The following EMC6 variants were observed in gnomAD, a reference collection of about 807,000 sequenced individuals.
EMC6 encodes ER membrane protein complex subunit 6.
EMC6 carries 1 observed loss-of-function variant against 6.5 expected under a neutral mutation model. The ratio of observed to expected loss-of-function variants is 0.15; its 90% CI spans 0.05 to 0.73. The LOEUF is 0.73. Among genes scored for constraint, EMC6 ranks in the 30% least tolerant of loss-of-function variants. The probability of loss-of-function intolerance (pLI) is 0.78; values close to 1 mark genes in which losing one functional copy is unlikely to be tolerated. For synonymous variants in EMC6, 96 were observed against 74.3 expected (o/e 1.29, Z -1.50); for missense variants, 114 against 146.7 (o/e 0.78, Z 1.15).
Position 3,669,485 on chromosome 17 carries a change from G to T in EMC6, c.*6G>T. On this transcript the variant is annotated 3_prime_UTR_variant, in exon 2 of 2. Coordinates refer to ENST00000248378, the MANE Select transcript of EMC6 (RefSeq NM_031298.4). ...GCATGGTGCACGTCTACTGAAATGG[G>T]GGCCCGGGGGACTTTTTTAAAAAAC... is the stretch of plus-strand genomic sequence containing the variant. 1 of 1,570,936 alleles carries T rather than the reference G, an allele frequency of 6.4e-7. No homozygotes were observed.
chr17:3,669,527 T>C lies in EMC6; in HGVS notation c.*48T>C. 1 of 1,482,786 alleles carries C rather than the reference T, an allele frequency of 6.7e-7. No individual in the cohort carries two copies. The highest frequency in any genetic ancestry group is 1.3e-5 in the South Asian group (1 of 76,726). 91.9% of individuals were successfully genotyped at this position (1,482,786 alleles called of 1,614,324 possible). On this transcript the variant is annotated 3_prime_UTR_variant, in exon 2 of 2. Coordinates refer to ENST00000248378, the MANE Select transcript of EMC6 (RefSeq NM_031298.4). ...TTAAAAAACCAGATCGGGAGGACTG[T>C]GGCCAGCAATTAACACCATGTAGAC...
chr17:3,669,017 C>G, intron 1 of EMC6, 81 bp from the exon 2 acceptor site: 2 of 870,258 alleles, frequency 2.3e-6, no homozygotes, highest in East Asian at 5.4e-5. Context: ...TGCCAGGTCT[C>G]GGAAGCTCCA....
At position 3,668,849 on chromosome 17, in the gene EMC6, C is replaced by T. The variant is rs963734048; in HGVS notation, c.-100C>T. 8 of 513,252 alleles carry T rather than the reference C, an allele frequency of 1.6e-5. No homozygotes were observed. In the East Asian group the frequency reaches 2.6e-4, roughly 17 times the overall value. 31.8% of individuals were successfully genotyped at this position (513,252 alleles called of 1,614,324 possible). On this transcript the variant is annotated 5_prime_UTR_variant, in exon 1 of 2. Coordinates refer to ENST00000248378, the MANE Select transcript of EMC6 (RefSeq NM_031298.4). This position sits in a 1 kb window ranked among gnomAD's most constrained non-coding sequence, Gnocchi z 4.1. Reference sequence around the variant, plus strand: ...AAGATGGCGCCGCGGGCATTTCTTCCACTGCCCGTCTGAGGGAACGCTAAG... The same window carrying T: ...AAGATGGCGCCGCGGGCATTTCTTCTACTGCCCGTCTGAGGGAACGCTAAG...
At chr17:3,669,007 T>C (rs1229858714) in intron 1 of EMC6, 91 bp from the exon 2 acceptor site, 2 of 782,398 alleles carry the variant, frequency 2.6e-6, no homozygotes, top group East Asian at 5.5e-5. Flanking sequence ...CCAGGACTGG[T>C]GCCAGGTCTC....
Position 3,669,640 on chromosome 17 carries a change from C to T in EMC6, c.*161C>T, listed in dbSNP as rs2049982864. 3 of 620,598 alleles carry T rather than the reference C, an allele frequency of 4.8e-6. No homozygotes were observed. Among genetic ancestry groups the T allele is most frequent in the Non-Finnish European group, 8.2e-6 (3 of 367,422 alleles). The allele number at this position is 620,598 out of a possible 1,614,324, so 38.4% of individuals were successfully genotyped here. On this transcript the variant is annotated 3_prime_UTR_variant, in exon 2 of 2. Transcript: ENST00000248378. ...CTGAAGACGGAGAGCCTGTAATATT[C>T]TTCAGATTAAATGAAGCGTGAGACA...
In EMC6 at chr17:3,669,621, A is replaced by G; in HGVS notation, c.*142A>G. On this transcript the variant is annotated 3_prime_UTR_variant, in exon 2 of 2. Coordinates refer to ENST00000248378, the MANE Select transcript of EMC6 (RefSeq NM_031298.4). The stretch of plus-strand genomic sequence containing the variant: ...CGTTATAAATAATTTATATCTGAAG[A>G]CGGAGAGCCTGTAATATTCTTCAGA... The G allele has an allele frequency of 3.1e-6, 2 of 651,374 alleles. 1 individual carries two copies. Among genetic ancestry groups the G allele is most frequent in the South Asian group, 5.1e-5 (2 of 39,276 alleles). 40.3% of individuals were successfully genotyped at this position (651,374 alleles called of 1,614,324 possible).
chr17:3,669,458 C>A lies in EMC6; in HGVS notation c.312C>A (p.Tyr104Ter). The change falls in exon 2 of 2, where the codon TAC becomes TAA. Residue 104 changes from tyrosine to a stop codon, truncating the protein, a stop_gained. Transcript: ENST00000248378. LOFTEE classifies it high-confidence loss of function. ...FTYVLFWTFL[Y>*]GMVHVY ...ACGTCCTGTTCTGGACGTTCCTCTA[C>A]GGCATGGTGCACGTCTACTGAAATG... The A allele has an allele frequency of 6.2e-7, 1 of 1,610,272 alleles. No individual in the cohort carries two copies. Among genetic ancestry groups the A allele is most frequent in the Non-Finnish European group, 8.5e-7 (1 of 1,177,540 alleles).
chr17:3,669,152 C>T lies in EMC6; in HGVS notation c.6C>T (p.Ala2=), dbSNP rs765228731. M[A]AVVAKREGPP... ...GCCGAGCCCGGGCTGGTGCGATGGC[C>T]GCGGTGGTGGCCAAGCGGGAAGGGC... is the stretch of plus-strand genomic sequence containing the variant. The change falls in exon 2 of 2, where the codon GCC becomes GCT. Residue 2 remains alanine (A), a synonymous_variant. Coordinates refer to ENST00000248378, the MANE Select transcript of EMC6 (RefSeq NM_031298.4). 2.0e-6 allele frequency: 3 copies of T among 1,523,894 alleles called. No homozygotes were observed. The highest frequency in any genetic ancestry group is 4.0e-5 in the Admixed American group (2 of 49,920). 94.4% of individuals were successfully genotyped at this position (1,523,894 alleles called of 1,614,324 possible). A position where few individuals can be genotyped will look rare whatever the true frequency, so the allele number is the denominator to read the frequency against.
Position 3,669,198 on chromosome 17 carries a change from G to T in EMC6, c.52G>T (p.Ala18Ser). The change falls in exon 2 of 2, where the codon GCC (alanine) becomes TCC (serine). Residue 18 changes from alanine (A) to serine (S), a missense_variant. Transcript: ENST00000248378. Reference protein sequence around the residue: ...REGPPFISEAAVRGNAAVLDY... With the variant: ...REGPPFISEASVRGNAAVLDY... ...AGGGCCGCCGTTCATCAGCGAGGCG[G>T]CCGTGCGGGGCAACGCCGCCGTCCT... The T allele has an allele frequency of 6.3e-7, 1 of 1,587,514 alleles. No homozygotes were observed. Among genetic ancestry groups the T allele is most frequent in the Non-Finnish European group, 8.6e-7 (1 of 1,166,340 alleles).
chr17:3,669,037 G>C, intron 1 of EMC6, 61 bp from the exon 2 acceptor site: 1 of 1,028,706 alleles, frequency 9.7e-7, no homozygotes, highest in African/African-American at 1.6e-5. Context: ...AGGGGGAGGG[G>C]GCGGCGTGAA....
intron 1 of EMC6, 71 bp from the exon 2 acceptor site, chr17:3,669,027 A>T: frequency 1.1e-6 from 1 of 946,016 alleles, no homozygotes; most frequent in Non-Finnish European, 1.5e-6. Flanking sequence ...CGGAAGCTCC[A>T]GGGGGAGGGG....
rs1258441227 is a variant in EMC6, at chr17:3,669,590, C to G, written c.*111C>G. Reference sequence around the variant, plus strand: ...TAAGTGGTTGAATTCGCTGCTTGTTCTGTAACGTTATAAATAATTTATATC... The same window carrying G: ...TAAGTGGTTGAATTCGCTGCTTGTTGTGTAACGTTATAAATAATTTATATC... On this transcript the variant is annotated 3_prime_UTR_variant, in exon 2 of 2. Coordinates refer to ENST00000248378, the MANE Select transcript of EMC6 (RefSeq NM_031298.4). 1.3e-6 allele frequency: 1 copy of G among 794,860 alleles called. No individual in the cohort carries two copies. The highest frequency in any genetic ancestry group is 2.0e-6 in the Non-Finnish European group (1 of 509,616). The allele number at this position is 794,860 out of a possible 1,614,324, so 49.2% of individuals were successfully genotyped here.
rs1446693341 is a variant in EMC6 at position 3,668,815 on chromosome 17, C to T, written c.-134C>T. The T allele has an allele frequency of 3.9e-6, 2 of 513,756 alleles. No individual in the cohort carries two copies. Among genetic ancestry groups the T allele is most frequent in the Non-Finnish European group, 6.8e-6 (2 of 293,786 alleles). The allele number at this position is 513,756 out of a possible 1,614,324, so 31.8% of individuals were successfully genotyped here. A position where few individuals can be genotyped will look rare whatever the true frequency, so the allele number is the denominator to read the frequency against. Reference sequence around the variant, plus strand: ...GCGCAGCCCGAGACCTCCCGGCAGTCTTCCGAGCAAGATGGCGCCGCGGGC... The same window carrying T: ...GCGCAGCCCGAGACCTCCCGGCAGTTTTCCGAGCAAGATGGCGCCGCGGGC... On this transcript the variant is annotated 5_prime_UTR_variant, in exon 1 of 2. Transcript: ENST00000248378. This position sits in a 1 kb window ranked among gnomAD's most constrained non-coding sequence, Gnocchi z 4.1.
At chr17:3,669,033 A>C in intron 1 of EMC6, 65 bp from the exon 2 acceptor site, 3 of 956,546 alleles carry the variant, frequency 3.1e-6, no homozygotes, top group Non-Finnish European at 4.5e-6. Context: ...CTCCAGGGGG[A>C]GGGGGCGGCG....
At position 3,669,139 on chromosome 17, in the gene EMC6, C is replaced by G. The variant is rs774577759; in HGVS notation, c.-8C>G. ...GAGAAAGCGAGAGGCCGAGCCCGGG[C>G]TGGTGCGATGGCCGCGGTGGTGGCC... On this transcript the variant is annotated 5_prime_UTR_variant, in exon 2 of 2. Transcript: ENST00000248378. 5 of 1,508,210 alleles carry G rather than the reference C, an allele frequency of 3.3e-6. No individual in the cohort carries two copies. The African/African-American group carries it at 6.9e-5, about 21-fold the overall frequency. The allele number at this position is 1,508,210 out of a possible 1,614,324, so 93.4% of individuals were successfully genotyped here.
At position 3,668,855 on chromosome 17, in the gene EMC6, C is replaced by T; in HGVS notation, c.-94C>T. On this transcript the variant is annotated 5_prime_UTR_variant, in exon 1 of 2. Coordinates refer to ENST00000248378, the MANE Select transcript of EMC6 (RefSeq NM_031298.4). This position sits in a 1 kb window ranked among gnomAD's most constrained non-coding sequence, Gnocchi z 4.1. ...GCGCCGCGGGCATTTCTTCCACTGC[C>T]CGTCTGAGGGAACGCTAAGTAGTGT... The T allele has an allele frequency of 1.9e-6, 1 of 518,536 alleles. No homozygotes were observed. The highest frequency in any genetic ancestry group is 3.4e-6 in the Non-Finnish European group (1 of 296,534). 32.1% of individuals were successfully genotyped at this position (518,536 alleles called of 1,614,324 possible). A position where few individuals can be genotyped will look rare whatever the true frequency, so the allele number is the denominator to read the frequency against.
At position 3,668,851 on chromosome 17, in the gene EMC6, C is replaced by G. The variant is rs1240627401; in HGVS notation, c.-98C>G. 1.9e-6 allele frequency: 1 copy of G among 514,818 alleles called. No individual in the cohort carries two copies. Among genetic ancestry groups the G allele is most frequent in the East Asian group, 3.3e-5 (1 of 30,426 alleles). The allele number at this position is 514,818 out of a possible 1,614,324, so 31.9% of individuals were successfully genotyped here. A position where few individuals can be genotyped will look rare whatever the true frequency, so the allele number is the denominator to read the frequency against. On this transcript the variant is annotated 5_prime_UTR_variant, in exon 1 of 2. Transcript: ENST00000248378. The surrounding 1 kb of genome is among the most constrained non-coding windows in gnomAD (Gnocchi z 4.1). ...GATGGCGCCGCGGGCATTTCTTCCA[C>G]TGCCCGTCTGAGGGAACGCTAAGTA...
In EMC6 at chr17:3,669,355, C is replaced by G. The variant is rs773933359; in HGVS notation, c.209C>G (p.Ala70Gly). ...VLLSLLLILK[A>G]GRRWNKYFKS... is the part of the protein sequence containing the mutation. ...CTCTCCCTGCTCCTCATTCTCAAGG[C>G]GGGAAGGAGGTGGAACAAATATTTC... is the stretch of plus-strand genomic sequence containing the variant. The change falls in exon 2 of 2, where the codon GCG (alanine) becomes GGG (glycine). Residue 70 changes from alanine to glycine, a missense_variant. Coordinates refer to ENST00000248378, the MANE Select transcript of EMC6 (RefSeq NM_031298.4). The G allele has an allele frequency of 5.6e-6, 9 of 1,614,152 alleles. No homozygotes were observed. Among genetic ancestry groups the G allele is most frequent in the Non-Finnish European group, 7.6e-6 (9 of 1,180,042 alleles).
chr17:3,669,129 C>A lies in EMC6; in HGVS notation c.-18C>A. The A allele has an allele frequency of 6.7e-7, 1 of 1,481,794 alleles. No homozygotes were observed. The highest frequency in any genetic ancestry group is 1.3e-5 in the South Asian group (1 of 76,174). The allele number at this position is 1,481,794 out of a possible 1,614,324, so 91.8% of individuals were successfully genotyped here. ...GTTGTTCCGCGAGAAAGCGAGAGGC[C>A]GAGCCCGGGCTGGTGCGATGGCCGC... On this transcript the variant is annotated 5_prime_UTR_variant, in exon 2 of 2. Coordinates refer to ENST00000248378, the MANE Select transcript of EMC6 (RefSeq NM_031298.4).
Sources: gnomAD v4.1 joint callset for allele counts on GRCh38, gnomAD v4.1.1 for gene constraint, Gnocchi (gnomAD v3.1) non-coding constraint, MANE v1.5 for transcripts, NCBI Gene and HGNC (gene_info 2026-07-23, HGNC 2026-07-21) for gene names.